The following CADM2 variants were observed in gnomAD, a reference collection of about 807,000 sequenced individuals.
CADM2 encodes the protein cell adhesion molecule 2, also known as immunoglobulin superfamily member 4D.
Under a neutral mutation model 49.8 loss-of-function variants are expected in CADM2, and 12 were observed. The ratio of observed to expected loss-of-function variants is 0.24; its 90% CI spans 0.15 to 0.39. The LOEUF is 0.39. CADM2 is among the 10% of genes least tolerant of loss of function. CADM2 has a pLI of 1.00. For missense variants in CADM2, 378 were observed against 492.3 expected, an observed-to-expected ratio of 0.77 and a Z score of 2.20; for synonymous variants, 214 against 175.4, an observed-to-expected ratio of 1.22 and a Z score of -1.74.
At chr3:85,594,609 T>G (rs1489825821) in intron 1 of CADM2, among the ~76,000 whole-genome samples, 1 of 151,918 alleles carries the variant, frequency 6.6e-6, no homozygotes, top group Non-Finnish European at 1.5e-5. Flanking sequence ...ACATTTGTAT[T>G]GAAGCATTCA....
At position 85,859,752 on chromosome 3, in the gene CADM2, G is replaced by A. The variant is rs1181161739; in HGVS notation, c.239-23539G>A. Among the ~76,000 whole-genome samples the A allele has an allele frequency of 2.6e-5, 4 of 152,108 alleles. No individual in the cohort carries two copies. The East Asian group carries it at 7.7e-4, about 29-fold the overall frequency. ...CCTACCTGTATTAATTGCCCTCACA[G>A]TACCTTAAAACATTTCCTTTGTTCT... On this transcript the variant is annotated intron_variant, in intron 3 of 9. Coordinates refer to ENST00000383699, the MANE Select transcript of CADM2 (RefSeq NM_001167675.2).
intron 2 of CADM2, among the ~76,000 whole-genome samples, chr3:85,750,151 A>G (rs1045218201): frequency 7.2e-5 from 11 of 152,056 alleles, no homozygotes; most frequent in East Asian, 1.9e-4. Context: ...TTTCTGTTTA[A>G]TATCAAAAGT....
intron 8 of CADM2, among the ~76,000 whole-genome samples, chr3:85,968,939 T>A (rs1725785969): frequency 1.3e-5 from 2 of 151,710 alleles, no homozygotes; most frequent in Admixed American, 1.3e-4. Flanking sequence ...TTACAACATA[T>A]ATACTTGTTT....
intron 1 of CADM2, among the ~76,000 whole-genome samples, chr3:85,024,308 T>C (rs1872557): frequency 0.046 from 7,016 of 152,184 alleles, 196 homozygotes; most frequent in East Asian, 0.1. Flanking sequence ...GTTTTCCAGT[T>C]TTATAGACAG....
intron 1 of CADM2, among the ~76,000 whole-genome samples, chr3:85,024,513 C>A (rs1167197751): frequency 6.6e-6 from 1 of 151,936 alleles, no homozygotes; most frequent in African/African-American, 2.4e-5. Context: ...AGCATATATG[C>A]AAGTATTTCA....
At chr3:85,000,905 G>C (rs868324038) in intron 1 of CADM2, among the ~76,000 whole-genome samples, 1 of 151,950 alleles carries the variant, frequency 6.6e-6, no homozygotes, top group African/African-American at 2.4e-5. Context: ...AGAAAACAAA[G>C]TAAATGGCTT....
rs1713105442 is a variant in CADM2, at chr3:85,883,414, A to G, written c.362A>G (p.Lys121Arg). The G allele has an allele frequency of 3.3e-5, 53 of 1,613,908 alleles. No homozygotes were observed. The highest frequency in any genetic ancestry group is 4.3e-5 in the Non-Finnish European group (51 of 1,179,828). ...YTCSLFTMPVKTSKAYLTVLG... is the reference protein window; with the variant it reads ...YTCSLFTMPVRTSKAYLTVLG... ...TGTTCTTTATTTACAATGCCTGTCA[A>G]AACTTCCAAGGCATATCTCACCGTT... Residue 121 changes from lysine to arginine, a missense_variant, in exon 4 of 10, where the codon AAA (lysine) becomes AGA (arginine). Physicochemically the swap from Lys to Arg is conservative, Grantham distance 26. Transcript: ENST00000383699.
At chr3:85,278,455 T>A (rs188208593) in intron 1 of CADM2, among the ~76,000 whole-genome samples, 2 of 151,462 alleles carry the variant, frequency 1.3e-5, no homozygotes, top group Admixed American at 1.3e-4. Context: ...TAAAGCCTAA[T>A]AGGACTCACT....
At chr3:85,962,029 C>A (rs369651362) in intron 8 of CADM2, among the ~76,000 whole-genome samples, 1 of 151,772 alleles carries the variant, frequency 6.6e-6, no homozygotes, top group South Asian at 2.1e-4. Flanking sequence ...CTCCACCTCC[C>A]GGGTTCAAGC....
chr3:85,810,284 T>C (rs1180171517), intron 3 of CADM2, among the ~76,000 whole-genome samples: 1 of 152,072 alleles, frequency 6.6e-6, no homozygotes, highest in Non-Finnish European at 1.5e-5. Context: ...ATGAAAACCA[T>C]AGGTCAAGGG....
chr3:85,306,973 A>C (rs774469330), intron 1 of CADM2, among the ~76,000 whole-genome samples: 1 of 151,506 alleles, frequency 6.6e-6, no homozygotes, highest in Non-Finnish European at 1.5e-5. Context: ...CCCAGATTTA[A>C]CTGTTACTCC....
intron 2 of CADM2, among the ~76,000 whole-genome samples, chr3:85,770,037 T>C (rs2069995462): frequency 6.6e-6 from 1 of 152,052 alleles, no homozygotes; most frequent in Non-Finnish European, 1.5e-5. Context: ...TTCAATAAGA[T>C]ATAGAAATAG....
intron 1 of CADM2, among the ~76,000 whole-genome samples, chr3:85,488,534 T>A (rs2039527037): frequency 6.6e-6 from 1 of 152,052 alleles, no homozygotes; most frequent in Non-Finnish European, 1.5e-5. Context: ...TGTTTTGTTT[T>A]GTTTTGTTTT....
intron 1 of CADM2, among the ~76,000 whole-genome samples, chr3:85,616,497 A>G (rs1448500992): frequency 6.6e-6 from 1 of 152,148 alleles, no homozygotes; most frequent in South Asian, 2.1e-4. Flanking sequence ...GTATTTTGTT[A>G]CTGTTTCAGG....
intron 1 of CADM2, among the ~76,000 whole-genome samples, chr3:85,370,501 T>G (rs1232787817): frequency 2.0e-5 from 3 of 152,032 alleles, no homozygotes; most frequent in African/African-American, 7.2e-5. Context: ...ATACCTGTCA[T>G]AAAGTAATAG....
At chr3:85,965,564 AT>A (rs1412476950) in intron 8 of CADM2, among the ~76,000 whole-genome samples, 1 of 151,568 alleles carries the variant, frequency 6.6e-6, no homozygotes, top group Non-Finnish European at 1.5e-5. Flanking sequence ...GGTTAACGCT[AT>A]TGAAAAATGA....
At chr3:85,029,858 GA>G (rs1248645985) in intron 1 of CADM2, among the ~76,000 whole-genome samples, 1 of 152,106 alleles carries the variant, frequency 6.6e-6, no homozygotes, top group African/African-American at 2.4e-5. Flanking sequence ...CTTTCAATAG[GA>G]CATTTCTCAT....
At chr3:85,647,337 A>G (rs2064918628) in intron 1 of CADM2, among the ~76,000 whole-genome samples, 1 of 151,726 alleles carries the variant, frequency 6.6e-6, no homozygotes, top group African/African-American at 2.4e-5. Flanking sequence ...TTTTAGCTTA[A>G]GTTTTTAATT....
At chr3:85,763,514 C>G (rs924174030) in intron 2 of CADM2, among the ~76,000 whole-genome samples, 2 of 152,162 alleles carry the variant, frequency 1.3e-5, no homozygotes, top group East Asian at 3.9e-4. Context: ...GCCACCTTAA[C>G]AAATTATTCT....
Sources: gnomAD v4.1 joint callset for allele counts (sites outside exome capture counted in the v4.1 genomes callset) on GRCh38, gnomAD v4.1.1 for gene constraint, MANE v1.5 for transcripts, NCBI Gene and HGNC (gene_info 2026-07-23, HGNC 2026-07-21) for gene names.